Variants in HS1BP3 observed in about 807,000 individuals in gnomAD.
HS1BP3 encodes the protein HCLS1-binding protein 3.
A neutral mutation model predicts 33.5 loss-of-function variants in HS1BP3; 32 were observed. The observed-to-expected ratio is 0.95, with a 90% confidence interval of 0.72 to 1.28. The LOEUF is 1.28. Among genes scored for constraint, HS1BP3 ranks in the 50% most tolerant of loss-of-function variants. The probability of loss-of-function intolerance (pLI) is 0.00; values close to 1 mark genes in which losing one functional copy is unlikely to be tolerated. For missense variants in HS1BP3, 486 were observed against 502.3 expected (o/e 0.97, Z 0.31); for synonymous variants, 187 against 209.2 (o/e 0.89, Z 0.92).
At chr2:20,615,432 T>G (rs533641688), downstream of HS1BP3, among the ~76,000 whole-genome samples, 1 of 152,322 alleles carries the variant, frequency 6.6e-6, no homozygotes, top group Admixed American at 6.5e-5. Context: ...GGCCTTAGGG[T>G]GCTGAGCAGG....
chr2:20,636,950 G>A (rs1695150950), intron 4 of HS1BP3: 1 of 152,222 alleles, frequency 6.6e-6, no homozygotes, highest in South Asian at 2.1e-4. Context: ...TCTTAAGCCG[G>A]CAGGATTACT....
intron 4 of HS1BP3, among the ~76,000 whole-genome samples, chr2:20,632,902 T>C (rs1220384055): frequency 1.3e-5 from 2 of 152,220 alleles, no homozygotes; most frequent in African/African-American, 4.8e-5. Context: ...GCATAACAAC[T>C]ATAGGAAGTG....
At chr2:20,613,865 G>A (rs1422909453), downstream of HS1BP3, among the ~76,000 whole-genome samples, 1 of 152,252 alleles carries the variant, frequency 6.6e-6, no homozygotes, top group Non-Finnish European at 1.5e-5. Context: ...CACGTGCTCA[G>A]GACAGGTGGT....
chr2:20,626,754 G>T (rs1694799315), intron 4 of HS1BP3, among the ~76,000 whole-genome samples: 2 of 152,194 alleles, frequency 1.3e-5, no homozygotes, highest in African/African-American at 4.8e-5. Context: ...TTGTGGTGCT[G>T]GAGGTGAGGT....
chr2:20,645,080 T>C (rs1695473838), intron 2 of HS1BP3, among the ~76,000 whole-genome samples: 2 of 152,192 alleles, frequency 1.3e-5, no homozygotes, highest in Admixed American at 1.3e-4. Flanking sequence ...GTGCCCCTTC[T>C]CTATACCCCC....
At chr2:20,581,937 A>C (rs1693543962) in intron 5 of HS1BP3, among the ~76,000 whole-genome samples, 1 of 152,192 alleles carries the variant, frequency 6.6e-6, no homozygotes, top group South Asian at 2.1e-4. Flanking sequence ...TTACTCCATC[A>C]AGCCTGCAAG....
At chr2:20,585,525 A>G (rs930719655) in intron 5 of HS1BP3, among the ~76,000 whole-genome samples, 1 of 152,222 alleles carries the variant, frequency 6.6e-6, no homozygotes, top group African/African-American at 2.4e-5. Flanking sequence ...TAACTTGCCC[A>G]AGGTCACACG....
At chr2:20,557,034 A>G (rs993962555), downstream of HS1BP3, among the ~76,000 whole-genome samples, 3 of 149,648 alleles carry the variant, frequency 2.0e-5, no homozygotes, top group Admixed American at 2.0e-4. Flanking sequence ...CTAATTTTGC[A>G]TGTAATATGT....
At chr2:20,581,106 C>T (rs141549020) in intron 5 of HS1BP3, among the ~76,000 whole-genome samples, 140 of 152,368 alleles carry the variant, frequency 9.2e-4, no homozygotes, top group Admixed American at 2.8e-3. Context: ...GGCCCAGCTC[C>T]AGTCCTCAGT....
intron 1 of HS1BP3, among the ~76,000 whole-genome samples, chr2:20,650,111 G>A (rs895051701): frequency 6.6e-6 from 1 of 152,144 alleles, no homozygotes; most frequent in African/African-American, 2.4e-5. Flanking sequence ...AGCAGCCTCC[G>A]ACATCAGGGT....
At chr2:20,606,242 A>G in intron 2 of HS1BP3, 1 of 254,936 alleles carries the variant, frequency 3.9e-6, no homozygotes. Flanking sequence ...GATTTAATAA[A>G]GTTTTATTTT....
intron 5 of HS1BP3, among the ~76,000 whole-genome samples, chr2:20,576,975 A>T (rs2149274304): frequency 6.6e-6 from 1 of 152,320 alleles, no homozygotes; most frequent in South Asian, 2.1e-4. Context: ...TCCCATTGGG[A>T]TGTCTAGGAT....
chr2:20,601,817 T>C (rs912250411), intron 2 of HS1BP3, among the ~76,000 whole-genome samples: 7 of 138,994 alleles, frequency 5.0e-5, no homozygotes, highest in Admixed American at 4.5e-4. Context: ...CTTGCTCTGT[T>C]GCCCAGGCTG....
chr2:20,603,582 G>A (rs925802515), intron 2 of HS1BP3, among the ~76,000 whole-genome samples: 1 of 152,228 alleles, frequency 6.6e-6, no homozygotes, highest in East Asian at 1.9e-4. Context: ...TTAACGTTGA[G>A]GGGATAGAGA....
At chr2:20,555,850 G>A (rs1692828763), downstream of HS1BP3, among the ~76,000 whole-genome samples, 1 of 152,062 alleles carries the variant, frequency 6.6e-6, no homozygotes, top group African/African-American at 2.4e-5. Flanking sequence ...CACACCCACA[G>A]GAGAAAATGG....
intron 1 of HS1BP3, 27 bp from the exon 2 acceptor site, chr2:20,645,532 G>A (rs1231204264): frequency 6.3e-7 from 1 of 1,599,000 alleles, no homozygotes; most frequent in East Asian, 2.2e-5. Context: ...AGGCAGGTGG[G>A]GTTCAGGGTC....
At position 20,577,101 on chromosome 2, in the gene HS1BP3, G is replaced by T. The variant is rs559052129; in HGVS notation, c.303-16586C>A. 6.6e-5 allele frequency among the ~76,000 whole-genome samples: 10 copies of T among 152,368 alleles called. No homozygotes were observed. The East Asian group carries it at 9.6e-4, about 15-fold the overall frequency. On this transcript the variant is annotated intron_variant, in intron 5 of 5. Coordinates refer to the HS1BP3 transcript ENST00000446825. ...AGTTGGGTTTTCAGAGTAAACAAGG[G>T]CTTGTCACTGGGCCTAGATGGAGAT...
At chr2:20,614,830 A>G (rs1694388813), downstream of HS1BP3, among the ~76,000 whole-genome samples, 1 of 152,248 alleles carries the variant, frequency 6.6e-6, no homozygotes, top group Non-Finnish European at 1.5e-5. Context: ...ATCCCACTTC[A>G]GAAGCTGTAG....
chr2:20,584,988 T>G (rs1306044612), intron 5 of HS1BP3, among the ~76,000 whole-genome samples: 1 of 152,122 alleles, frequency 6.6e-6, no homozygotes, highest in African/African-American at 2.4e-5. Context: ...GGACAGAAAA[T>G]GGAGAGGGAC....
Sources: gnomAD v4.1 joint callset for allele counts (sites outside exome capture counted in the v4.1 genomes callset) on GRCh38, gnomAD v4.1.1 for gene constraint, MANE v1.5 for transcripts, NCBI Gene and HGNC (gene_info 2026-07-23, HGNC 2026-07-21) for gene names.